ABTB3: variants seen among roughly 807,000 people sequenced by gnomAD.
ABTB3 encodes the protein ankyrin repeat and BTB domain containing 3, also known as ankyrin repeat- and BTB/POZ domain-containing protein 3.
chr12:107,640,311 A>T, the ABTB3 span: 7 of 1,534,782 alleles, frequency 4.6e-6, no homozygotes, highest in Non-Finnish European at 4.5e-6. Context: ...CCTATTCCAG[A>T]TCCTCATTTT....
At chr12:107,619,295 TGAGAGGC>T in the ABTB3 span, among the ~76,000 whole-genome samples, 1 of 152,228 alleles carries the variant, frequency 6.6e-6, no homozygotes, top group South Asian at 2.1e-4. Flanking sequence ...TGCCTCTGCA[TGAGAGGC>T]GAGAGGCAAA....
At chr12:107,514,352 C>T in the ABTB3 span, among the ~76,000 whole-genome samples, 1 of 151,868 alleles carries the variant, frequency 6.6e-6, no homozygotes, top group Admixed American at 6.6e-5. Context: ...GAACTCCCCC[C>T]TTAGACAAAT....
the ABTB3 span, chr12:107,618,474 C>A: frequency 9.5e-7 from 1 of 1,048,256 alleles, no homozygotes. Context: ...CATACACATG[C>A]AAAACACGCA....
At chr12:107,569,152 C>G in the ABTB3 span, among the ~76,000 whole-genome samples, 2 of 152,204 alleles carry the variant, frequency 1.3e-5, no homozygotes, top group Non-Finnish European at 2.9e-5. Flanking sequence ...AGGACATTCT[C>G]AAAGCCACCA....
the ABTB3 span, chr12:107,619,947 C>T: frequency 1.4e-5 from 22 of 1,539,100 alleles, no homozygotes; most frequent in African/African-American, 4.1e-5. Flanking sequence ...CTCTCTCCCC[C>T]TCCCCTGCCA....
the ABTB3 span, among the ~76,000 whole-genome samples, chr12:107,344,747 A>G: frequency 3.9e-5 from 6 of 152,266 alleles, no homozygotes; most frequent in Non-Finnish European, 7.3e-5. Flanking sequence ...CAGCCTCTGT[A>G]TTAAATTCAT....
chr12:107,352,537 G>C, the ABTB3 span, among the ~76,000 whole-genome samples: 3 of 152,082 alleles, frequency 2.0e-5, no homozygotes, highest in Non-Finnish European at 4.4e-5. Flanking sequence ...CCCAGATTGT[G>C]TCTTGCACAA....
chr12:107,574,299 A>C, the ABTB3 span, among the ~76,000 whole-genome samples: 48,797 of 151,972 alleles, frequency 0.32, 8,947 homozygotes, highest in African/African-American at 0.51. Context: ...TTTCCTCCCC[A>C]ACTTAAACAC....
chr12:107,581,058 G>A, the ABTB3 span: 3 of 1,542,702 alleles, frequency 1.9e-6, no homozygotes, highest in South Asian at 1.2e-5. Flanking sequence ...GGGAGATGGG[G>A]GGATCCCCGC....
chr12:107,577,936 GCTT>G, the ABTB3 span, among the ~76,000 whole-genome samples: 1 of 151,988 alleles, frequency 6.6e-6, no homozygotes, highest in African/African-American at 2.4e-5. Flanking sequence ...AGCTCCTCAA[GCTT>G]CTTTTGGGTT....
At chr12:107,616,263 A>G in the ABTB3 span, among the ~76,000 whole-genome samples, 2 of 152,216 alleles carry the variant, frequency 1.3e-5, no homozygotes, top group East Asian at 1.9e-4. Flanking sequence ...AAAGCCACAC[A>G]GAAGTCAGGC....
chr12:107,448,057 AC>A, the ABTB3 span, among the ~76,000 whole-genome samples: 2,640 of 152,316 alleles, frequency 0.017, 94 homozygotes, highest in African/African-American at 0.059. Flanking sequence ...TGTCAGAGCA[AC>A]CTTGTGAAAG....
At chr12:107,500,773 G>A in the ABTB3 span, among the ~76,000 whole-genome samples, 7 of 151,994 alleles carry the variant, frequency 4.6e-5, no homozygotes, top group Non-Finnish European at 7.4e-5. Flanking sequence ...GCTCCCACCC[G>A]GCCTGGCTAC....
At chr12:107,499,733 T>C in the ABTB3 span, among the ~76,000 whole-genome samples, 3 of 151,580 alleles carry the variant, frequency 2.0e-5, no homozygotes, top group Admixed American at 2.0e-4. Flanking sequence ...TCACCCAGGC[T>C]GGAGTGCAGT....
At chr12:107,647,781 G>T in the ABTB3 span, among the ~76,000 whole-genome samples, 2 of 152,168 alleles carry the variant, frequency 1.3e-5, no homozygotes, top group African/African-American at 2.4e-5. Flanking sequence ...ATTCCATGAG[G>T]CAGGTAACAT....
the ABTB3 span, among the ~76,000 whole-genome samples, chr12:107,505,688 C>T: frequency 1.3e-5 from 2 of 152,030 alleles, no homozygotes; most frequent in South Asian, 2.1e-4. Context: ...TTCCTCCCAC[C>T]GTCCACTCTC....
the ABTB3 span, among the ~76,000 whole-genome samples, chr12:107,422,419 T>C: frequency 2.0e-5 from 3 of 152,146 alleles, no homozygotes; most frequent in African/African-American, 7.2e-5. Context: ...GGAGCCCACT[T>C]TGAATGCATG....
chr12:107,561,223 A>G, the ABTB3 span, among the ~76,000 whole-genome samples: 1 of 152,200 alleles, frequency 6.6e-6, no homozygotes, highest in Admixed American at 6.5e-5. Context: ...ACCCTGGGGC[A>G]GCAAGGTGGG....
the ABTB3 span, among the ~76,000 whole-genome samples, chr12:107,469,935 T>TC: frequency 1.1e-4 from 10 of 90,450 alleles, 2 homozygotes; most frequent in African/African-American, 5.3e-4. Flanking sequence ...TCTCTCTCTC[T>TC]TTCTTTCTCT....
Sources: allele counts gnomAD v4.1 joint callset (sites outside exome capture counted in the v4.1 genomes callset), GRCh38; gene constraint gnomAD v4.1.1; transcripts MANE v1.5; gene names NCBI Gene and HGNC (gene_info 2026-07-23, HGNC 2026-07-21).